ADAMTS16: variants seen among roughly 807,000 people sequenced by gnomAD.
ADAMTS16 encodes the protein ADAM metallopeptidase with thrombospondin type 1 motif 16.
ADAMTS16 carries 94 observed loss-of-function variants against 145.8 expected under a neutral mutation model. The observed-to-expected ratio is 0.64, with a 90% CI of 0.55 to 0.77. The LOEUF (loss-of-function observed/expected upper bound fraction) is 0.77. Ranked by LOEUF, ADAMTS16 falls within the 30% of genes least tolerant of loss-of-function variation. The pLI is 0.00. For synonymous variants in ADAMTS16, 659 were observed against 604.3 expected (o/e 1.09, Z -1.33); for missense variants, 1,585 against 1,591.5 (o/e 1.00, Z 0.07).
intron 11 of ADAMTS16, among the ~76,000 whole-genome samples, chr5:5,227,209 T>C (rs1736790888): frequency 6.6e-6 from 1 of 152,254 alleles, no homozygotes; most frequent in Non-Finnish European, 1.5e-5. Flanking sequence ...AGTGCTTTTT[T>C]TCCTGCTTTA....
At chr5:5,183,753 G>T (rs369896146) in intron 4 of ADAMTS16, among the ~76,000 whole-genome samples, 2 of 152,186 alleles carry the variant, frequency 1.3e-5, no homozygotes, top group Admixed American at 1.3e-4. Context: ...CCACATCTGC[G>T]CGTGTGTGCA....
At chr5:5,173,024 G>A (rs568657338) in intron 3 of ADAMTS16, among the ~76,000 whole-genome samples, 20 of 151,886 alleles carry the variant, frequency 1.3e-4, no homozygotes, top group East Asian at 7.7e-4. Flanking sequence ...ATTTTGTCTC[G>A]TGTAAGTTTA....
chr5:5,211,510 T>G (rs1736271017), intron 10 of ADAMTS16, among the ~76,000 whole-genome samples: 1 of 152,166 alleles, frequency 6.6e-6, no homozygotes, highest in Admixed American at 6.5e-5. Flanking sequence ...ATATTGGGCT[T>G]AATGTTAATT....
intron 2 of ADAMTS16, among the ~76,000 whole-genome samples, chr5:5,142,946 G>A (rs903937694): frequency 6.6e-6 from 1 of 152,148 alleles, no homozygotes. Context: ...ACAAAAACAA[G>A]CAATGGGGAA....
intron 3 of ADAMTS16, among the ~76,000 whole-genome samples, chr5:5,150,462 G>C (rs1734420742): frequency 6.6e-6 from 1 of 152,230 alleles, no homozygotes; most frequent in Non-Finnish European, 1.5e-5. Flanking sequence ...ACAGCAGCCT[G>C]AGTGGATGAA....
chr5:5,236,983 A>T lies in ADAMTS16; in HGVS notation c.2038A>T (p.Lys680Ter). ...YTQVEDQDLC[K>*]LYCIAEGFDF... Reference sequence around the variant, plus strand: ...TTCTTTTTAAGATCAGGACTTATGCAAACTCTACTGTATCGCAGAAGGATT... The same window carrying T: ...TTCTTTTTAAGATCAGGACTTATGCTAACTCTACTGTATCGCAGAAGGATT... The change falls in exon 14 of 23, where the codon AAA (lysine) becomes TAA (stop). Residue 680 changes from lysine to a stop codon, truncating the protein, a stop_gained. Coordinates refer to ENST00000274181, the MANE Select transcript of ADAMTS16 (RefSeq NM_139056.4). LOFTEE classifies it high-confidence loss of function. 2 of 1,613,366 alleles carry T rather than the reference A, an allele frequency of 1.2e-6. No individual in the cohort carries two copies. Among genetic ancestry groups the T allele is most frequent in the Non-Finnish European group, 1.7e-6 (2 of 1,179,856 alleles).
chr5:5,140,638 C>T (rs1281608325), intron 1 of ADAMTS16, 26 bp from the exon 2 acceptor site: 3 of 1,534,446 alleles, frequency 2.0e-6, no homozygotes, highest in African/African-American at 1.4e-5. Flanking sequence ...GCCGTCTCAC[C>T]GCGATGTCGC....
intron 3 of ADAMTS16, among the ~76,000 whole-genome samples, chr5:5,149,924 C>T (rs774342819): frequency 1.1e-4 from 16 of 152,192 alleles, no homozygotes; most frequent in Non-Finnish European, 1.8e-4. Flanking sequence ...ATTTTATTTA[C>T]CTGTTTATCA....
chr5:5,207,584 T>C (rs1370646437), intron 9 of ADAMTS16, among the ~76,000 whole-genome samples: 1 of 152,076 alleles, frequency 6.6e-6, no homozygotes, highest in Non-Finnish European at 1.5e-5. Context: ...TGAAAGGGAG[T>C]GGTAAGAGGA....
chr5:5,192,047 G>A (rs1735674426), intron 8 of ADAMTS16, among the ~76,000 whole-genome samples: 1 of 152,144 alleles, frequency 6.6e-6, no homozygotes, highest in African/African-American at 2.4e-5. Context: ...GTAGTGGCAT[G>A]ACCTCAGCTC....
At chr5:5,258,238 G>A (rs1350226748) in intron 17 of ADAMTS16, among the ~76,000 whole-genome samples, 1 of 152,132 alleles carries the variant, frequency 6.6e-6, no homozygotes, top group Non-Finnish European at 1.5e-5. Context: ...CGGGGAGTGG[G>A]GACTGAAAAT....
At chr5:5,300,601 A>T (rs1442423666) in intron 18 of ADAMTS16, among the ~76,000 whole-genome samples, 1 of 152,242 alleles carries the variant, frequency 6.6e-6, no homozygotes, top group Non-Finnish European at 1.5e-5. Flanking sequence ...AAACCAAAGC[A>T]AGTAAAACGA....
intron 10 of ADAMTS16, among the ~76,000 whole-genome samples, chr5:5,215,062 T>G (rs1231293962): frequency 2.6e-5 from 4 of 152,208 alleles, no homozygotes; most frequent in Non-Finnish European, 4.4e-5. Flanking sequence ...GATGATATTT[T>G]AGGAAGGGAT....
intron 6 of ADAMTS16, 61 bp downstream of exon 6, chr5:5,187,869 G>T: frequency 8.5e-7 from 1 of 1,180,338 alleles, no homozygotes; most frequent in Non-Finnish European, 1.2e-6. Context: ...GCAAAATAAT[G>T]CTTTTTTCTT....
At chr5:5,202,377 A>T (rs542585509) in intron 9 of ADAMTS16, among the ~76,000 whole-genome samples, 177 of 152,332 alleles carry the variant, frequency 1.2e-3, no homozygotes, top group Admixed American at 1.5e-3. Context: ...TCATTTTTTA[A>T]AAAAAAATTA....
intron 9 of ADAMTS16, 23 bp downstream of exon 9, chr5:5,200,292 T>G (rs375853436): frequency 3.7e-6 from 6 of 1,613,060 alleles, no homozygotes; most frequent in African/African-American, 1.3e-5. Flanking sequence ...TAAGCTGGTC[T>G]TGTGATCTTT....
intron 18 of ADAMTS16, among the ~76,000 whole-genome samples, chr5:5,266,700 C>A (rs905822356): frequency 1.3e-5 from 2 of 152,210 alleles, no homozygotes; most frequent in South Asian, 2.1e-4. Context: ...GAGCTCTCCT[C>A]CTCCTGGGGC....
At chr5:5,210,641 A>G (rs557487758) in intron 10 of ADAMTS16, among the ~76,000 whole-genome samples, 1 of 152,290 alleles carries the variant, frequency 6.6e-6, no homozygotes, top group South Asian at 2.1e-4. Context: ...TGCTCCATAT[A>G]GTAACATTAA....
At position 5,232,379 on chromosome 5, in the gene ADAMTS16, A is replaced by T; in HGVS notation, c.1713A>T (p.Gly571=). The change falls in exon 12 of 23, where the codon GGA becomes GGT. Residue 571 remains glycine (G), a synonymous_variant. Coordinates refer to ENST00000274181, the MANE Select transcript of ADAMTS16 (RefSeq NM_139056.4). Reference sequence around the variant, plus strand: ...GTTGAAAATTTTAGTGGTGCCGGGGAGGACAGTGTGTGAAATATGGTGATG... The same window carrying T: ...GTTGAAAATTTTAGTGGTGCCGGGGTGGACAGTGTGTGAAATATGGTGATG... ...TICGHDMWCR[G]GQCVKYGDEG... is the part of the protein sequence containing the mutation. 6.2e-7 allele frequency: 1 copy of T among 1,613,924 alleles called. No individual in the cohort carries two copies. Among genetic ancestry groups the T allele is most frequent in the South Asian group, 1.1e-5 (1 of 91,070 alleles).
Sources: gnomAD v4.1 joint callset for allele counts (sites outside exome capture counted in the v4.1 genomes callset) on GRCh38, gnomAD v4.1.1 for gene constraint, MANE v1.5 for transcripts, NCBI Gene and HGNC (gene_info 2026-07-23, HGNC 2026-07-21) for gene names.